The following PCDH20 variants were observed in gnomAD, a reference collection of about 807,000 sequenced individuals.
PCDH20 encodes protocadherin-20.
A neutral mutation model predicts 39.7 loss-of-function variants in PCDH20; 18 were observed. That is an observed-to-expected ratio of 0.45 (90% confidence interval 0.31 to 0.67). The LOEUF is 0.67. Among genes scored for constraint, PCDH20 ranks in the 30% least tolerant of loss-of-function variants. The probability of loss-of-function intolerance (pLI) is 0.05; values close to 1 mark genes in which losing one functional copy is unlikely to be tolerated. For synonymous variants in PCDH20, 495 were observed against 455.4 expected (o/e 1.09, Z -1.11); for missense variants, 1,161 against 1,167.4 (o/e 0.99, Z 0.08).
chr13:61,411,025 G>T, exon 2 of PCDH20: 136 of 289,990 alleles, frequency 4.7e-4, no homozygotes, highest in Middle Eastern at 1.1e-3. Context: ...TTAAATACAA[G>T]TCCTATAGCT....
exon 2 of PCDH20, chr13:61,412,754 T>C (rs781294992): frequency 5.6e-6 from 9 of 1,613,848 alleles, no homozygotes; most frequent in Middle Eastern, 3.3e-4. Flanking sequence ...GCAATGGGAG[T>C]GTTAACGGGT....
Position 61,415,095 on chromosome 13 carries a change from AGGTCG to A in PCDH20, c.59_63del (p.Ala20ValfsTer91). The A allele has an allele frequency of 1.3e-6, 2 of 1,566,734 alleles. No individual in the cohort carries two copies. The highest frequency in any genetic ancestry group is 3.6e-5 in the Admixed American group (2 of 55,228). ...CGCCCCATATCCAGGCGCGGGTGCC[AGGTCG>A]CCGGGCACCAGCTCACTCCCAGGGC... is the stretch of plus-strand genomic sequence containing the variant. On this transcript the variant is annotated frameshift_variant, in exon 1 of 2. Transcript: ENST00000409204. LOFTEE classifies it high-confidence loss of function.
exon 2 of PCDH20, chr13:61,413,819 T>C: frequency 6.2e-7 from 1 of 1,612,832 alleles, no homozygotes; most frequent in Non-Finnish European, 8.5e-7. Flanking sequence ...CCTGCAGACC[T>C]GGGCAGCAGC....
chr13:61,410,145 A>T (rs1347212204), exon 2 of PCDH20: 1 of 152,128 alleles, frequency 6.6e-6, no homozygotes, highest in Non-Finnish European at 1.5e-5. Context: ...GATTTAATCC[A>T]AAACCAAAGA....
intron 1 of PCDH20, among the ~76,000 whole-genome samples, chr13:61,414,345 G>C (rs1367168335): frequency 2.0e-5 from 3 of 152,176 alleles, no homozygotes; most frequent in South Asian, 4.2e-4. Flanking sequence ...GTAGGTGATG[G>C]GGAGGGAGGG....
exon 2 of PCDH20, chr13:61,412,085 C>G (rs1304204654): frequency 6.2e-7 from 1 of 1,614,128 alleles, no homozygotes; most frequent in East Asian, 2.2e-5. Context: ...GCGACCCATC[C>G]ATTTCGTCCA....
chr13:61,413,622 C>G, exon 2 of PCDH20: 2 of 1,614,218 alleles, frequency 1.2e-6, no homozygotes, highest in Middle Eastern at 1.6e-4. Context: ...TCCACGCAGT[C>G]CCTCCACCCC....
At chr13:61,412,054 C>T (rs1162914240) in exon 2 of PCDH20, 6 of 1,614,166 alleles carry the variant, frequency 3.7e-6, no homozygotes, top group Non-Finnish European at 5.1e-6. Flanking sequence ...AAAAATATCA[C>T]TCTGGTTCAC....
At chr13:61,412,180 A>T (rs1235532463) in exon 2 of PCDH20, 1 of 1,614,070 alleles carries the variant, frequency 6.2e-7, no homozygotes, top group Non-Finnish European at 8.5e-7. Context: ...GTCCTTGTTG[A>T]TAAACCGAGG....
At chr13:61,410,903 G>A in exon 2 of PCDH20, 1 of 172,012 alleles carries the variant, frequency 5.8e-6, no homozygotes, top group Non-Finnish European at 1.2e-5. Context: ...TGTGGTGACA[G>A]GAATTTTTAG....
chr13:61,414,092 G>A lies in PCDH20; in HGVS notation c.133-126C>T, dbSNP rs1305524149. 4 of 832,588 alleles carry A rather than the reference G, an allele frequency of 4.8e-6. No homozygotes were observed. In the African/African-American group the frequency reaches 6.9e-5, roughly 14 times the overall value. 51.6% of individuals were successfully genotyped at this position (832,588 alleles called of 1,614,324 possible). A position where few individuals can be genotyped will look rare whatever the true frequency, so the allele number is the denominator to read the frequency against. ...TTCCCAGAAGCAAAACCTCTAATTAGAACGGGGGCGGAGAAGAACCCTGCT... is the reference window on the plus strand; with the variant it reads ...TTCCCAGAAGCAAAACCTCTAATTAAAACGGGGGCGGAGAAGAACCCTGCT... On this transcript the variant is annotated intron_variant, in intron 1 of 1. Transcript: ENST00000409204.
chr13:61,411,411 T>C (rs754400514), exon 2 of PCDH20: 2 of 1,614,016 alleles, frequency 1.2e-6, no homozygotes, highest in African/African-American at 2.7e-5. Context: ...AACCCAAGCT[T>C]ATTACAGACA....
At chr13:61,414,980 T>C (rs773960741) in intron 1 of PCDH20, 47 bp downstream of exon 1, 3 of 1,361,706 alleles carry the variant, frequency 2.2e-6, no homozygotes, top group South Asian at 1.8e-5. Flanking sequence ...TGCTTCACAA[T>C]ACTGCAACTT....
chr13:61,414,335 G>T (rs1299122893), intron 1 of PCDH20, among the ~76,000 whole-genome samples: 1 of 152,086 alleles, frequency 6.6e-6, no homozygotes, highest in Non-Finnish European at 1.5e-5. Flanking sequence ...GAAACCCAGG[G>T]TAGGTGATGG....
At chr13:61,411,954 A>C (rs139154324) in exon 2 of PCDH20, 1 of 1,613,996 alleles carries the variant, frequency 6.2e-7, no homozygotes, top group African/African-American at 1.3e-5. Flanking sequence ...CACCCCCATC[A>C]ACAGCTTCAA....
exon 2 of PCDH20, chr13:61,411,587 T>A: frequency 6.2e-7 from 1 of 1,614,212 alleles, no homozygotes; most frequent in Non-Finnish European, 8.5e-7. Context: ...AGGTTCACCA[T>A]GACTGTGGAG....
At chr13:61,413,780 C>T in exon 2 of PCDH20, 1 of 1,613,552 alleles carries the variant, frequency 6.2e-7, no homozygotes, top group Non-Finnish European at 8.5e-7. Context: ...CCGGTGCGCT[C>T]TGGCAGCTGC....
At chr13:61,415,726 C>G (rs1871535270), upstream of PCDH20, 1 of 152,068 alleles carries the variant, frequency 6.6e-6, no homozygotes, top group Non-Finnish European at 1.5e-5. Context: ...TAGGGTGAAC[C>G]GGAAAAGTAA....
In PCDH20 at chr13:61,413,611, C is replaced by A. The variant is rs149131503; in HGVS notation, c.488G>T (p.Ser163Ile). Residue 163 changes from serine (S) to isoleucine (I), a missense_variant, in exon 2 of 2, where the codon AGC becomes ATC. Ser to Ile is a moderately radical substitution (Grantham distance 142). Around this residue, in one of 3 missense-constraint regions of PCDH20, gnomAD observed 401 missense variants for 368.7 expected, o/e 1.09. Coordinates refer to ENST00000409204, the Ensembl canonical transcript of PCDH20. The stretch of plus-strand genomic sequence containing the variant: ...AGAGGAGGAGATGGAAACGCTGCCG[C>A]TCCACGCAGTCCCTCCACCCCCTTC... The A allele has an allele frequency of 4.7e-5, 76 of 1,614,228 alleles. No homozygotes were observed. In the African/African-American group the frequency reaches 9.2e-4, roughly 20 times the overall value.
Sources: gnomAD v4.1 joint callset for allele counts (sites outside exome capture counted in the v4.1 genomes callset) on GRCh38, gnomAD v4.1.1 for gene constraint, gnomAD v4.1.1 regional missense constraint, MANE v1.5 for transcripts, NCBI Gene and HGNC (gene_info 2026-07-23, HGNC 2026-07-21) for gene names.